Variants in FHL5 observed in about 807,000 individuals in gnomAD.
FHL5 encodes the protein four and a half LIM domains 5.
FHL5 carries 33 observed loss-of-function variants against 32.0 expected under a neutral mutation model. That is an observed-to-expected ratio of 1.03 (90% CI 0.78 to 1.38). The LOEUF (loss-of-function observed/expected upper bound fraction) is 1.38, where lower values mean the gene tolerates loss of function less well. Ranked by LOEUF, FHL5 falls within the 40% of genes most tolerant of loss-of-function variation. The pLI is 0.00. For synonymous variants in FHL5, 114 were observed against 113.6 expected (o/e 1.00, Z -0.02); for missense variants, 336 against 343.9 (o/e 0.98, Z 0.18).
intron 1 of FHL5, among the ~76,000 whole-genome samples, chr6:96,592,824 AT>A (rs1770950052): frequency 6.6e-6 from 1 of 152,066 alleles, no homozygotes; most frequent in Non-Finnish European, 1.5e-5. Flanking sequence ...TACTTTTGAT[AT>A]GTTATTTGTC....
rs1482625175 is a variant in FHL5 at position 96,610,776 on chromosome 6, A to G, written c.691+18A>G. ...CATTAGTGGTGAGTTCTTCAGTTCA[A>G]TATGATCATGCCATGAGACAGTTAT... is the stretch of plus-strand genomic sequence containing the variant. On this transcript the variant is annotated intron_variant, in intron 5 of 5. Transcript: ENST00000450218. 6.4e-7 allele frequency: 1 copy of G among 1,564,962 alleles called. No homozygotes were observed. Among genetic ancestry groups the G allele is most frequent in the Non-Finnish European group, 8.8e-7 (1 of 1,140,226 alleles).
chr6:96,573,725 G>A (rs1336905600), intron 1 of FHL5, among the ~76,000 whole-genome samples: 9 of 151,644 alleles, frequency 5.9e-5, no homozygotes, highest in Non-Finnish European at 1.3e-4. Flanking sequence ...GTTTCACCAT[G>A]TTAGCCAAGT....
chr6:96,569,270 T>G (rs1401260907), intron 1 of FHL5, among the ~76,000 whole-genome samples: 1 of 152,104 alleles, frequency 6.6e-6, no homozygotes, highest in Non-Finnish European at 1.5e-5. Flanking sequence ...CCTCGTTATT[T>G]TGATTTCTAG....
intron 5 of FHL5, 64 bp downstream of exon 5, chr6:96,610,822 A>G: frequency 1.3e-5 from 15 of 1,191,706 alleles, no homozygotes; most frequent in Non-Finnish European, 1.8e-5. Context: ...AACACTATCT[A>G]GTTAATTTAG....
intron 4 of FHL5, among the ~76,000 whole-genome samples, chr6:96,606,567 G>A (rs1449481992): frequency 2.0e-5 from 3 of 152,016 alleles, no homozygotes; most frequent in Admixed American, 6.6e-5. Flanking sequence ...GGCTAGTCTG[G>A]TCTCGAACTC....
chr6:96,571,281 G>A (rs1770470055), intron 1 of FHL5, among the ~76,000 whole-genome samples: 1 of 152,198 alleles, frequency 6.6e-6, no homozygotes, highest in Non-Finnish European at 1.5e-5. Flanking sequence ...AGGAATAACT[G>A]TGGGTGCCTC....
At chr6:96,587,178 G>A (rs532157445) in intron 1 of FHL5, among the ~76,000 whole-genome samples, 4 of 152,256 alleles carry the variant, frequency 2.6e-5, no homozygotes, top group African/African-American at 4.8e-5. Context: ...AGCTTTAGCT[G>A]AAAAACGCAC....
chr6:96,597,190 TATATATA>T (rs2127969616), intron 1 of FHL5, among the ~76,000 whole-genome samples: 1 of 151,716 alleles, frequency 6.6e-6, no homozygotes, highest in South Asian at 2.1e-4. Context: ...TCTCTCTTTA[TATATATA>T]ATATATACCA....
At chr6:96,610,507 A>T in intron 4 of FHL5, 65 bp from the exon 5 acceptor site, 1 of 1,203,894 alleles carries the variant, frequency 8.3e-7, no homozygotes, top group Non-Finnish European at 1.2e-6. Context: ...ATCTCAAAAG[A>T]ATCATGAAAT....
chr6:96,569,588 T>C (rs1437668729), intron 1 of FHL5, among the ~76,000 whole-genome samples: 1 of 152,054 alleles, frequency 6.6e-6, no homozygotes, highest in African/African-American at 2.4e-5. Context: ...TTATTTGCTT[T>C]ATAAATCTGG....
intron 1 of FHL5, among the ~76,000 whole-genome samples, chr6:96,591,953 G>T (rs955949589): frequency 1.3e-5 from 2 of 152,070 alleles, no homozygotes; most frequent in Non-Finnish European, 2.9e-5. Context: ...AATAGGGTGT[G>T]GGTCACAGAG....
Position 96,618,228 on chromosome 6 carries a change from CA to C in FHL5, c.*2459del, listed in dbSNP as rs1272718089. 2.0e-5 allele frequency among the ~76,000 whole-genome samples: 3 copies of C among 152,080 alleles called. No individual in the cohort carries two copies. Among genetic ancestry groups the C allele is most frequent in the African/African-American group, 7.2e-5 (3 of 41,404 alleles). ...AGAAAAACTCCTTAATGGACTTATC[CA>C]AAGATGAAATGGACTGACTCAGGAA... On this transcript the variant is annotated 3_prime_UTR_variant, in exon 6 of 6. Transcript: ENST00000450218.
At chr6:96,603,374 T>C (rs955945018) in intron 1 of FHL5, among the ~76,000 whole-genome samples, 1 of 151,320 alleles carries the variant, frequency 6.6e-6, no homozygotes, top group African/African-American at 2.4e-5. Flanking sequence ...TTTTATGCAT[T>C]TTTTTTTAGC....
chr6:96,598,729 C>T (rs769507046), intron 1 of FHL5, among the ~76,000 whole-genome samples: 3 of 152,192 alleles, frequency 2.0e-5, no homozygotes, highest in African/African-American at 4.8e-5. Context: ...TATAACCTTT[C>T]ATTTATTCTC....
intron 1 of FHL5, among the ~76,000 whole-genome samples, chr6:96,601,282 C>T (rs1771143439): frequency 1.3e-5 from 2 of 151,794 alleles, no homozygotes; most frequent in South Asian, 4.2e-4. Context: ...TGCAGTGAGC[C>T]GAGATCACAC....
At chr6:96,596,105 C>T (rs1477740086) in intron 1 of FHL5, among the ~76,000 whole-genome samples, 1 of 151,808 alleles carries the variant, frequency 6.6e-6, no homozygotes, top group African/African-American at 2.4e-5. Context: ...TAAACTAAAA[C>T]CTAAGAGTTT....
intron 1 of FHL5, among the ~76,000 whole-genome samples, chr6:96,598,789 C>T (rs1771088287): frequency 1.3e-5 from 2 of 152,172 alleles, no homozygotes. Flanking sequence ...CTTACTCTTC[C>T]TGCTAGATCA....
intron 1 of FHL5, among the ~76,000 whole-genome samples, chr6:96,568,242 T>C (rs999196669): frequency 5.3e-5 from 8 of 151,900 alleles, no homozygotes; most frequent in African/African-American, 1.9e-4. Context: ...ATCAAATTGT[T>C]TTTGCCCTTC....
At chr6:96,583,911 T>C (rs1770744559) in intron 1 of FHL5, among the ~76,000 whole-genome samples, 1 of 152,194 alleles carries the variant, frequency 6.6e-6, no homozygotes, top group Admixed American at 6.6e-5. Flanking sequence ...AACTGTTTTA[T>C]ATTCAAGTTT....
Sources: allele counts gnomAD v4.1 joint callset (sites outside exome capture counted in the v4.1 genomes callset), GRCh38; gene constraint gnomAD v4.1.1; transcripts MANE v1.5; gene names NCBI Gene and HGNC (gene_info 2026-07-23, HGNC 2026-07-21).